Variants in TMEM132C observed in about 807,000 individuals in gnomAD.
TMEM132C encodes the protein protein phosphatase 1, regulatory subunit 152.
Under a neutral mutation model 61.4 loss-of-function variants are expected in TMEM132C, and 29 were observed. That is an observed-to-expected ratio of 0.47 (90% CI 0.35 to 0.64). TMEM132C has a LOEUF of 0.64. TMEM132C is among the 30% of genes least tolerant of loss of function. The pLI is 0.00. For missense variants in TMEM132C, 1,408 were observed against 1,476.9 expected, an observed-to-expected ratio of 0.95 and a Z score of 0.76; for synonymous variants, 656 against 633.1, an observed-to-expected ratio of 1.04 and a Z score of -0.54.
intron 1 of TMEM132C, among the ~76,000 whole-genome samples, chr12:128,372,029 AAG>A (rs1330694164): frequency 6.6e-6 from 1 of 152,196 alleles, no homozygotes; most frequent in Non-Finnish European, 1.5e-5. Context: ...TCACCCCAAT[AAG>A]ATCTCTTATG....
At chr12:128,568,661 CA>C (rs1366227116) in intron 3 of TMEM132C, among the ~76,000 whole-genome samples, 3 of 152,098 alleles carry the variant, frequency 2.0e-5, no homozygotes, top group African/African-American at 7.2e-5. Context: ...TCAACTAGCT[CA>C]GAATCTATGT....
chr12:128,382,725 CAT>C (rs1313502840), intron 1 of TMEM132C, among the ~76,000 whole-genome samples: 1 of 152,156 alleles, frequency 6.6e-6, no homozygotes, highest in Non-Finnish European at 1.5e-5. Context: ...TAAATAAATA[CAT>C]GTTTTAACCT....
At chr12:128,507,232 C>T (rs1872393625) in intron 2 of TMEM132C, among the ~76,000 whole-genome samples, 1 of 152,106 alleles carries the variant, frequency 6.6e-6, no homozygotes, top group Admixed American at 6.5e-5. Flanking sequence ...ATTTTTTATT[C>T]CATTACTGCA....
At position 128,705,792 on chromosome 12, in the gene TMEM132C, C is replaced by G; in HGVS notation, c.2824C>G (p.Leu942Val). 3.2e-6 allele frequency: 5 copies of G among 1,551,668 alleles called. No individual in the cohort carries two copies. The highest frequency in any genetic ancestry group is 4.4e-6 in the Non-Finnish European group (5 of 1,147,058). The change falls in exon 9 of 9, where the codon CTG becomes GTG. Residue 942 changes from leucine (L) to valine (V), a missense_variant. Physicochemically the swap from Leu to Val is conservative, Grantham distance 32. Transcript: ENST00000435159. Reference protein sequence around the residue: ...GVFCLAILVFLINCATFALKY... With the variant: ...GVFCLAILVFVINCATFALKY... ...GTTCTGCCTGGCCATCCTCGTCTTC[C>G]TGATCAACTGCGCCACCTTTGCCCT...
In TMEM132C at chr12:128,324,564, A is replaced by G. The variant is rs980674007; in HGVS notation, c.85+57077A>G. ...TTTACAGGTTCCTTTTTGGTCATCA[A>G]CAATCATGTTGTGGGCCAAGGGCGG... is the stretch of plus-strand genomic sequence containing the variant. On this transcript the variant is annotated intron_variant, in intron 1 of 8. Coordinates refer to ENST00000435159, the MANE Select transcript of TMEM132C (RefSeq NM_001136103.3). Among the ~76,000 whole-genome samples the G allele has an allele frequency of 2.0e-5, 3 of 152,142 alleles. 1 individual carries two copies. The highest frequency in any genetic ancestry group is 4.4e-5 in the Non-Finnish European group (3 of 68,038).
intron 4 of TMEM132C, among the ~76,000 whole-genome samples, chr12:128,627,910 G>A (rs1239302311): frequency 6.6e-6 from 1 of 152,202 alleles, no homozygotes; most frequent in Admixed American, 6.5e-5. Context: ...CACCACTTGA[G>A]GTGGCCACGG....
chr12:128,626,083 T>C lies in TMEM132C; in HGVS notation c.1305+9748T>C, dbSNP rs555702206. On this transcript the variant is annotated intron_variant, in intron 4 of 8. Coordinates refer to ENST00000435159, the MANE Select transcript of TMEM132C (RefSeq NM_001136103.3). ...TAATAAAGAAACACATGTACTACAG[T>C]ACCTGAAGTTATTTTGAATTTTGGT... Among the ~76,000 whole-genome samples the C allele has an allele frequency of 2.0e-5, 3 of 152,164 alleles. No homozygotes were observed. The East Asian group carries it at 5.8e-4, about 29-fold the overall frequency.
chr12:128,431,826 C>T (rs550502159), intron 2 of TMEM132C, among the ~76,000 whole-genome samples: 4 of 152,208 alleles, frequency 2.6e-5, no homozygotes, highest in East Asian at 1.9e-4. Flanking sequence ...CAAAGTGCTT[C>T]GACCATCTAG....
intron 2 of TMEM132C, among the ~76,000 whole-genome samples, chr12:128,492,502 T>C (rs890841429): frequency 3.9e-5 from 6 of 152,212 alleles, no homozygotes; most frequent in Non-Finnish European, 8.8e-5. Flanking sequence ...CCACATCCTC[T>C]CCAGCACCTG....
At chr12:128,484,255 A>G (rs7133227) in intron 2 of TMEM132C, among the ~76,000 whole-genome samples, 27,509 of 152,108 alleles carry the variant, frequency 0.18, 4,245 homozygotes, top group African/African-American at 0.42. Flanking sequence ...AAGCAGTGAC[A>G]GGTTTTATCA....
intron 3 of TMEM132C, among the ~76,000 whole-genome samples, chr12:128,587,801 ATG>A (rs1875604169): frequency 6.6e-6 from 1 of 152,210 alleles, no homozygotes; most frequent in Non-Finnish European, 1.5e-5. Context: ...TGTTAAATAA[ATG>A]TGTGTAAGTT....
chr12:128,319,651 C>A (rs1872264596), intron 1 of TMEM132C, among the ~76,000 whole-genome samples: 1 of 152,034 alleles, frequency 6.6e-6, no homozygotes, highest in Non-Finnish European at 1.5e-5. Flanking sequence ...TATGGTGAAA[C>A]CCCATCTCTA....
At chr12:128,506,703 G>T (rs1232929252) in intron 2 of TMEM132C, among the ~76,000 whole-genome samples, 1 of 152,148 alleles carries the variant, frequency 6.6e-6, no homozygotes, top group Non-Finnish European at 1.5e-5. Context: ...GCCTCCCCAT[G>T]CACCATCCCA....
Position 128,278,742 on chromosome 12 carries a change from ATACGTG to A in TMEM132C, c.85+11258_85+11263del, listed in dbSNP as rs1183232892. 7.2e-6 allele frequency among the ~76,000 whole-genome samples: 1 copy of A among 139,502 alleles called. No homozygotes were observed. The highest frequency in any genetic ancestry group is 2.7e-5 in the African/African-American group (1 of 37,234). 91.5% of individuals were successfully genotyped at this position (139,502 alleles called of 152,430 possible). On this transcript the variant is annotated intron_variant, in intron 1 of 8. Coordinates refer to ENST00000435159, the MANE Select transcript of TMEM132C (RefSeq NM_001136103.3). This position sits in a 1 kb window ranked among gnomAD's most constrained non-coding sequence, Gnocchi z 4.2. ...CAGATATTTGTGCAGACTTGATTCT[ATACGTG>A]TATGTGTGTGTGTGTGTGTGTGTGT...
chr12:128,649,669 T>C (rs978548632), intron 4 of TMEM132C, among the ~76,000 whole-genome samples: 1 of 152,244 alleles, frequency 6.6e-6, no homozygotes, highest in Admixed American at 6.5e-5. Flanking sequence ...GAAGTATGTA[T>C]TTCTCAACTG....
chr12:128,540,429 T>A (rs1474398414), intron 2 of TMEM132C, among the ~76,000 whole-genome samples: 4 of 152,280 alleles, frequency 2.6e-5, no homozygotes, highest in Middle Eastern at 3.4e-3. Flanking sequence ...AATTTTTGTA[T>A]TTTTAGTAGA....
chr12:128,441,084 G>C (rs932610646), intron 2 of TMEM132C, among the ~76,000 whole-genome samples: 12 of 152,144 alleles, frequency 7.9e-5, no homozygotes, highest in African/African-American at 2.9e-4. Flanking sequence ...CAAAAAGCAA[G>C]AACAATGTCT....
intron 1 of TMEM132C, among the ~76,000 whole-genome samples, chr12:128,281,251 A>G (rs1387249433): frequency 6.6e-6 from 1 of 152,220 alleles, no homozygotes; most frequent in African/African-American, 2.4e-5. Context: ...AATGAGATAG[A>G]TACAAGAGGT....
At chr12:128,477,556 C>A (rs1871190329) in intron 2 of TMEM132C, among the ~76,000 whole-genome samples, 1 of 151,174 alleles carries the variant, frequency 6.6e-6, no homozygotes, top group African/African-American at 2.4e-5. Context: ...AGGCAGGCAC[C>A]ATTTTGTTTG....
Sources: gnomAD v4.1 joint callset for allele counts (sites outside exome capture counted in the v4.1 genomes callset) on GRCh38, gnomAD v4.1.1 for gene constraint, Gnocchi (gnomAD v3.1) non-coding constraint, MANE v1.5 for transcripts, NCBI Gene and HGNC (gene_info 2026-07-23, HGNC 2026-07-21) for gene names.